The following XKR4 variants were observed in gnomAD, a reference collection of about 807,000 sequenced individuals.
XKR4 encodes XK-related protein 4.
Under a neutral mutation model 53.9 loss-of-function variants are expected in XKR4, and 12 were observed. That is an observed-to-expected ratio of 0.22 (90% confidence interval 0.14 to 0.36). The LOEUF (loss-of-function observed/expected upper bound fraction) is 0.36. Ranked by LOEUF, XKR4 falls within the 10% of genes least tolerant of loss-of-function variation. XKR4 has a pLI of 1.00. For synonymous variants in XKR4, 354 were observed against 362.4 expected, an observed-to-expected ratio of 0.98 and a Z score of 0.26; for missense variants, 799 against 859.5, an observed-to-expected ratio of 0.93 and a Z score of 0.88.
At chr8:55,332,127 T>C (rs1293345054) in intron 1 of XKR4, among the ~76,000 whole-genome samples, 2 of 152,080 alleles carry the variant, frequency 1.3e-5, no homozygotes, top group Non-Finnish European at 2.9e-5. Flanking sequence ...CTTTTTTTGG[T>C]TACCATAGGG....
chr8:55,315,354 G>A (rs780092266), intron 1 of XKR4, among the ~76,000 whole-genome samples: 8 of 152,144 alleles, frequency 5.3e-5, no homozygotes, highest in Non-Finnish European at 1.0e-4. Flanking sequence ...CCCAGCCTTG[G>A]TCAGTGTCCG....
chr8:55,448,100 T>C (rs1805372612), intron 2 of XKR4, among the ~76,000 whole-genome samples: 1 of 152,230 alleles, frequency 6.6e-6, no homozygotes, highest in South Asian at 2.1e-4. Flanking sequence ...GCCAAGCTTG[T>C]ACAATTTTGC....
chr8:55,335,504 T>C (rs1177170438), intron 1 of XKR4, among the ~76,000 whole-genome samples: 1 of 152,218 alleles, frequency 6.6e-6, no homozygotes, highest in Non-Finnish European at 1.5e-5. Flanking sequence ...CAAAAACAAA[T>C]GCCAATAATG....
chr8:55,289,441 G>A (rs2129375051), intron 1 of XKR4, among the ~76,000 whole-genome samples: 1 of 151,142 alleles, frequency 6.6e-6, no homozygotes, highest in South Asian at 2.1e-4. Context: ...CTTGAACCCA[G>A]GAGGCAGAGG....
In XKR4 at chr8:55,438,762, A is replaced by G. The variant is rs938089027; in HGVS notation, c.1006+80885A>G. Among the ~76,000 whole-genome samples the G allele has an allele frequency of 2.6e-5, 4 of 152,188 alleles. No individual in the cohort carries two copies. The East Asian group carries it at 7.7e-4, about 29-fold the overall frequency. ...AAACTCATAAAATGTTATATAAAATATATCTTAAAATATTGAGACATAGCT... is the reference window on the plus strand; with the variant it reads ...AAACTCATAAAATGTTATATAAAATGTATCTTAAAATATTGAGACATAGCT... On this transcript the variant is annotated intron_variant, in intron 2 of 2. Transcript: ENST00000327381.
At chr8:55,479,409 G>T (rs377242121) in intron 2 of XKR4, among the ~76,000 whole-genome samples, 94 of 151,982 alleles carry the variant, frequency 6.2e-4, no homozygotes, top group African/African-American at 2.2e-3. Flanking sequence ...AGTGTGTAGA[G>T]GGAAATTTAT....
intron 1 of XKR4, among the ~76,000 whole-genome samples, chr8:55,213,515 A>G (rs1231137868): frequency 1.3e-5 from 2 of 152,208 alleles, no homozygotes; most frequent in Admixed American, 1.3e-4. Context: ...AGAATCTTGC[A>G]GTCTCTAGCT....
rs541359405 is a variant in XKR4 at position 55,540,300 on chromosome 8, T to C, written c.*16073T>C. 1 of 152,334 alleles carries C rather than the reference T, an allele frequency of 6.6e-6. No homozygotes were observed. Among genetic ancestry groups the C allele is most frequent in the East Asian group, 1.9e-4 (1 of 5,182 alleles). The allele number at this position is 152,334 out of a possible 1,614,324, so 9.4% of individuals were successfully genotyped here. A position where few individuals can be genotyped will look rare whatever the true frequency, so the allele number is the denominator to read the frequency against. ...TTCCATGAACAAGTGATAGAAAACA[T>C]ATGGAAATTCTCTTTTGATCAAAAG... On this transcript the variant is annotated 3_prime_UTR_variant, in exon 3 of 3. Coordinates refer to ENST00000327381, the MANE Select transcript of XKR4 (RefSeq NM_052898.2).
chr8:55,107,615 C>T (rs569973632), intron 1 of XKR4, among the ~76,000 whole-genome samples: 4 of 151,902 alleles, frequency 2.6e-5, no homozygotes, highest in South Asian at 2.1e-4. Context: ...AACATGATCT[C>T]GTAGTAGTTT....
chr8:55,339,992 G>A (rs1585528652), intron 1 of XKR4, among the ~76,000 whole-genome samples: 1 of 152,078 alleles, frequency 6.6e-6, no homozygotes, highest in African/African-American at 2.4e-5. Context: ...TGAATCCAAA[G>A]CATGACATAT....
chr8:55,202,968 C>T (rs1046257801), intron 1 of XKR4, among the ~76,000 whole-genome samples: 1 of 152,228 alleles, frequency 6.6e-6, no homozygotes, highest in African/African-American at 2.4e-5. Context: ...GTTGGTTACA[C>T]TTCACTGAAC....
intron 2 of XKR4, among the ~76,000 whole-genome samples, chr8:55,496,974 T>A (rs1396846487): frequency 6.6e-6 from 1 of 152,172 alleles, no homozygotes; most frequent in East Asian, 1.9e-4. Flanking sequence ...ACCAGAAAAA[T>A]GAAGCCTGTA....
chr8:55,492,789 A>AT (rs1806290129), intron 2 of XKR4, among the ~76,000 whole-genome samples: 1 of 152,128 alleles, frequency 6.6e-6, no homozygotes, highest in Admixed American at 6.5e-5. Flanking sequence ...GGAATCCTGC[A>AT]TTTTTTTCAG....
At chr8:55,224,338 G>T (rs1817924387) in intron 1 of XKR4, among the ~76,000 whole-genome samples, 1 of 152,164 alleles carries the variant, frequency 6.6e-6, no homozygotes, top group Non-Finnish European at 1.5e-5. Flanking sequence ...AATTGCGGTT[G>T]TGTCTTGAAA....
intron 2 of XKR4, among the ~76,000 whole-genome samples, chr8:55,401,973 T>C (rs1490166284): frequency 1.3e-5 from 2 of 152,124 alleles, no homozygotes; most frequent in Non-Finnish European, 2.9e-5. Context: ...AACTTGACTA[T>C]TGATACAAAA....
intron 1 of XKR4, among the ~76,000 whole-genome samples, chr8:55,255,218 T>C (rs1388075468): frequency 2.6e-5 from 4 of 152,210 alleles, no homozygotes; most frequent in African/African-American, 7.2e-5. Flanking sequence ...TTTGGAAATC[T>C]GTCAGACCTG....
At chr8:55,380,254 A>C (rs1804212434) in intron 2 of XKR4, among the ~76,000 whole-genome samples, 1 of 152,230 alleles carries the variant, frequency 6.6e-6, no homozygotes, top group South Asian at 2.1e-4. Context: ...GTTGGGCACC[A>C]AATGTGCTGT....
chr8:55,406,986 G>A (rs187257971), intron 2 of XKR4, among the ~76,000 whole-genome samples: 1 of 152,184 alleles, frequency 6.6e-6, no homozygotes, highest in African/African-American at 2.4e-5. Flanking sequence ...GGATTCACAT[G>A]TTTTTGTCCT....
rs145484186 is a variant in XKR4, at chr8:55,235,983, G to C, written c.807-121695G>C. On this transcript the variant is annotated intron_variant, in intron 1 of 2. Transcript: ENST00000327381. Reference sequence around the variant, plus strand: ...TCTCTGCATTAAATTGTTCAGAGGTGTCTTTATCTGACCATATTTAGAACC... The same window carrying C: ...TCTCTGCATTAAATTGTTCAGAGGTCTCTTTATCTGACCATATTTAGAACC... Among the ~76,000 whole-genome samples the C allele has an allele frequency of 9.8e-5, 15 of 152,306 alleles. No individual in the cohort carries two copies. In the East Asian group the frequency reaches 2.9e-3, roughly 29 times the overall value.
Sources: gnomAD v4.1 joint callset for allele counts (sites outside exome capture counted in the v4.1 genomes callset) on GRCh38, gnomAD v4.1.1 for gene constraint, MANE v1.5 for transcripts, NCBI Gene and HGNC (gene_info 2026-07-23, HGNC 2026-07-21) for gene names.